RIMS2: variants seen among roughly 807,000 people sequenced by gnomAD.
RIMS2 encodes regulating synaptic membrane exocytosis 2.
RIMS2 carries 59 observed loss-of-function variants against 174.4 expected under a neutral mutation model. The ratio of observed to expected loss-of-function variants is 0.34; its 90% CI spans 0.27 to 0.42. The LOEUF (loss-of-function observed/expected upper bound fraction) is 0.42, where lower values mean the gene tolerates loss of function less well. Among genes scored for constraint, RIMS2 ranks in the 10% least tolerant of loss-of-function variants. The probability of loss-of-function intolerance (pLI) is 1.00; values close to 1 mark genes in which losing one functional copy is unlikely to be tolerated. For synonymous variants in RIMS2, 606 were observed against 572.5 expected (o/e 1.06, Z -0.84); for missense variants, 1,620 against 1,666.3 (o/e 0.97, Z 0.48).
intron 15 of RIMS2, among the ~76,000 whole-genome samples, chr8:103,972,912 A>G (rs1252089670): frequency 6.6e-6 from 1 of 152,212 alleles, no homozygotes; most frequent in Non-Finnish European, 1.5e-5. Context: ...TGAATTTAAA[A>G]TAAACATGTT....
At chr8:103,962,454 A>G (rs962926697) in intron 15 of RIMS2, among the ~76,000 whole-genome samples, 3 of 152,174 alleles carry the variant, frequency 2.0e-5, no homozygotes, top group Admixed American at 6.6e-5. Flanking sequence ...CTATCTGGAC[A>G]TTATTGTTCT....
chr8:103,892,057 A>ATATACAT (rs1377626904), intron 4 of RIMS2, among the ~76,000 whole-genome samples: 1 of 152,084 alleles, frequency 6.6e-6, no homozygotes, highest in Non-Finnish European at 1.5e-5. Context: ...GTTGAAGACA[A>ATATACAT]TATACATTAG....
At chr8:103,693,962 C>G (rs2097065173) in intron 1 of RIMS2, among the ~76,000 whole-genome samples, 1 of 152,152 alleles carries the variant, frequency 6.6e-6, no homozygotes, top group Non-Finnish European at 1.5e-5. Flanking sequence ...GACCCAGAGT[C>G]CATGGGACCT....
chr8:103,599,061 A>G (rs1194280962), intron 1 of RIMS2, among the ~76,000 whole-genome samples: 3 of 152,084 alleles, frequency 2.0e-5, no homozygotes, highest in Non-Finnish European at 2.9e-5. Context: ...AGAGACAGCT[A>G]TTAGGCAAAA....
chr8:103,521,174 T>C (rs1831479122), intron 1 of RIMS2, among the ~76,000 whole-genome samples: 1 of 149,234 alleles, frequency 6.7e-6, no homozygotes, highest in Non-Finnish European at 1.5e-5. Context: ...TTAGGAGATA[T>C]ACCTAATGCT....
At chr8:103,933,706 T>A (rs577629292) in intron 12 of RIMS2, among the ~76,000 whole-genome samples, 2 of 152,342 alleles carry the variant, frequency 1.3e-5, no homozygotes, top group African/African-American at 4.8e-5. Flanking sequence ...GATTAGGTTG[T>A]GTCAAGGTTT....
At chr8:104,232,557 G>A (rs1182691596) in intron 19 of RIMS2, among the ~76,000 whole-genome samples, 1 of 152,180 alleles carries the variant, frequency 6.6e-6, no homozygotes, top group Non-Finnish European at 1.5e-5. Flanking sequence ...TAGGTTAGGA[G>A]TGATGCCCAA....
In RIMS2 at chr8:103,918,631, G is replaced by A. The variant is rs1218768038; in HGVS notation, c.2083+144G>A. 5 of 622,262 alleles carry A rather than the reference G, an allele frequency of 8.0e-6. No individual in the cohort carries two copies. In the East Asian group the frequency reaches 1.1e-4, roughly 14 times the overall value. The allele number at this position is 622,262 out of a possible 1,614,324, so 38.5% of individuals were successfully genotyped here. On this transcript the variant is annotated intron_variant, in intron 9 of 23. Coordinates refer to ENST00000504942, the Ensembl canonical transcript of RIMS2. ...TAAGCATATAAAGATGGAAAATTTA[G>A]TATTATTTCATGTCACTGTGGGAAA... is the stretch of plus-strand genomic sequence containing the variant.
At chr8:103,768,696 C>G (rs554354104) in intron 3 of RIMS2, 20 of 771,858 alleles carry the variant, frequency 2.6e-5, no homozygotes, top group South Asian at 2.6e-4. Context: ...AAAGAGCTAG[C>G]AGAATCCACA....
intron 1 of RIMS2, among the ~76,000 whole-genome samples, chr8:103,640,900 T>C (rs138502668): frequency 9.9e-5 from 15 of 152,214 alleles, no homozygotes; most frequent in African/African-American, 3.6e-4. Context: ...CAACTACATC[T>C]TCACTGATTT....
At chr8:104,093,568 G>A in intron 19 of RIMS2, 1 of 1,597,406 alleles carries the variant, frequency 6.3e-7, no homozygotes, top group Non-Finnish European at 8.5e-7. Flanking sequence ...TCAAGGACTA[G>A]TAGTGCTTCT....
At chr8:103,696,873 A>AG in intron 1 of RIMS2, among the ~76,000 whole-genome samples, 1 of 151,048 alleles carries the variant, frequency 6.6e-6, no homozygotes, top group African/African-American at 2.4e-5. Context: ...AAAAAAAAAA[A>AG]AAAAAAAAAA....
chr8:103,752,625 T>G (rs375843975), intron 2 of RIMS2, among the ~76,000 whole-genome samples: 3 of 152,264 alleles, frequency 2.0e-5, no homozygotes, highest in East Asian at 3.9e-4. Flanking sequence ...GTGGTTTGTA[T>G]TTCTCCTTGA....
intron 3 of RIMS2, among the ~76,000 whole-genome samples, chr8:103,860,741 A>C (rs146308911): frequency 3.7e-4 from 57 of 152,246 alleles, no homozygotes; most frequent in Non-Finnish European, 6.2e-4. Context: ...AGGGTCAAGT[A>C]AGGGAAACTT....
chr8:103,689,008 G>T (rs1388147897), intron 1 of RIMS2, among the ~76,000 whole-genome samples: 21 of 151,700 alleles, frequency 1.4e-4, no homozygotes, highest in Admixed American at 1.4e-3. Context: ...TGTCCTCTTA[G>T]AATTGCCCAT....
chr8:103,548,832 C>G (rs1174966903), intron 1 of RIMS2, among the ~76,000 whole-genome samples: 2 of 151,940 alleles, frequency 1.3e-5, no homozygotes, highest in East Asian at 1.9e-4. Flanking sequence ...TTTAGGGTAC[C>G]AAATCAGTGT....
At chr8:103,748,068 A>C (rs879435486) in intron 2 of RIMS2, among the ~76,000 whole-genome samples, 4 of 152,142 alleles carry the variant, frequency 2.6e-5, no homozygotes, top group Non-Finnish European at 4.4e-5. Context: ...GGAAGTTCAT[A>C]TATTAGTCCA....
intron 19 of RIMS2, among the ~76,000 whole-genome samples, chr8:104,193,449 C>T (rs1345397648): frequency 1.3e-5 from 2 of 152,082 alleles, no homozygotes; most frequent in Admixed American, 6.6e-5. Flanking sequence ...CCTTATGAGC[C>T]TGGGTGAGAA....
intron 8 of RIMS2, 29 bp from the exon 12 acceptor site, chr8:103,918,412 G>A (rs774621189): frequency 3.6e-6 from 5 of 1,386,182 alleles, no homozygotes; most frequent in Non-Finnish European, 4.9e-6. Flanking sequence ...AACAGTTTCT[G>A]TCTTTCTTTT....
Sources: gnomAD v4.1 joint callset for allele counts (sites outside exome capture counted in the v4.1 genomes callset) on GRCh38, gnomAD v4.1.1 for gene constraint, MANE v1.5 for transcripts, NCBI Gene and HGNC (gene_info 2026-07-23, HGNC 2026-07-21) for gene names.